CEP120: variants seen among roughly 807,000 people sequenced by gnomAD.
The protein encoded by CEP120 is centrosomal protein of 120 kDa.
CEP120 carries 113 observed loss-of-function variants against 126.5 expected under a neutral mutation model. The ratio of observed to expected loss-of-function variants is 0.89; its 90% CI spans 0.77 to 1.04. The LOEUF (loss-of-function observed/expected upper bound fraction) is 1.04, where lower values mean the gene tolerates loss of function less well. Ranked by LOEUF, CEP120 falls within the 50% of genes least tolerant of loss-of-function variation. CEP120 has a pLI of 0.00. For missense variants in CEP120, 1,230 were observed against 1,155.7 expected, an observed-to-expected ratio of 1.06 and a Z score of -0.93; for synonymous variants, 400 against 394.3, an observed-to-expected ratio of 1.01 and a Z score of -0.17.
intron 4 of CEP120, among the ~76,000 whole-genome samples, chr5:123,404,137 C>G (rs1030084314): frequency 6.7e-6 from 1 of 148,358 alleles, no homozygotes; most frequent in African/African-American, 2.5e-5. Context: ...AAATTCCTCT[C>G]AAACAGTCCA....
Position 123,422,870 on chromosome 5 carries a change from G to C in CEP120, c.49+80C>G, listed in dbSNP as rs575097575. On this transcript the variant is annotated intron_variant, in intron 1 of 19. Coordinates refer to ENST00000306467, the MANE Select transcript of CEP120 (RefSeq NM_001375405.1). ...AAGCACAGATGACAGGGTTCTTAAG[G>C]TTAACAAGGCCTCGGTCCCACACTA... The C allele has an allele frequency of 9.1e-6, 12 of 1,323,532 alleles. No individual in the cohort carries two copies. The East Asian group carries it at 2.8e-4, about 30-fold the overall frequency. The allele number at this position is 1,323,532 out of a possible 1,614,324, so 82.0% of individuals were successfully genotyped here. A position where few individuals can be genotyped will look rare whatever the true frequency, so the allele number is the denominator to read the frequency against.
chr5:123,395,273 C>A (rs1240010855), intron 5 of CEP120, among the ~76,000 whole-genome samples: 2 of 152,082 alleles, frequency 1.3e-5, no homozygotes, highest in African/African-American at 4.8e-5. Context: ...AAGAAGGAAG[C>A]AAGATTGTCA....
At chr5:123,402,230 G>A (rs1773301893) in intron 4 of CEP120, 3 of 1,518,510 alleles carry the variant, frequency 2.0e-6, no homozygotes, top group East Asian at 4.5e-5. Context: ...CCACTTGGGA[G>A]AAGCTTGAGG....
At chr5:123,351,224 T>C (rs941389754) in intron 18 of CEP120, among the ~76,000 whole-genome samples, 2 of 152,154 alleles carry the variant, frequency 1.3e-5, no homozygotes, top group African/African-American at 4.8e-5. Flanking sequence ...TTCCCAACAA[T>C]AACTACTACC....
chr5:123,399,377 G>T, intron 4 of CEP120, 93 bp from the exon 5 acceptor site: 1 of 1,258,502 alleles, frequency 7.9e-7, no homozygotes, highest in Non-Finnish European at 1.1e-6. Flanking sequence ...AATTTGCTTG[G>T]TAATTTTCAT....
rs887698612 is a variant in CEP120 at position 123,422,019 on chromosome 5, C to T, written c.49+931G>A. Among the ~76,000 whole-genome samples the T allele has an allele frequency of 2.0e-4, 30 of 152,174 alleles. 1 individual carries two copies. Among genetic ancestry groups the T allele is most frequent in the Middle Eastern group, 3.2e-3 (1 of 316 alleles). The stretch of plus-strand genomic sequence containing the variant: ...CTCAAGATGACTCCTTCTTAACATA[C>T]TATTCGTAAAGTGTCCTCAATTCAC... On this transcript the variant is annotated intron_variant, in intron 1 of 19. Coordinates refer to ENST00000306467, the MANE Select transcript of CEP120 (RefSeq NM_001375405.1).
intron 18 of CEP120, among the ~76,000 whole-genome samples, chr5:123,362,935 T>C (rs1012974281): frequency 2.0e-5 from 3 of 151,660 alleles, no homozygotes; most frequent in African/African-American, 7.2e-5. Flanking sequence ...AGCTTTTTAG[T>C]AACTGTATTT....
chr5:123,372,703 T>C lies in CEP120; in HGVS notation c.2428A>G (p.Asn810Asp). ...EFQQFKDQQN[N>D]KPEIRLQSEI... ...GACTGTAGACGGATTTCTGGTTTGT[T>C]GTTTTGCTGGTCCTTGAACTGTTGG... Residue 810 changes from asparagine (N) to aspartate (D), a missense_variant, in exon 17 of 20, where the codon AAC becomes GAC. Asn to Asp is a conservative substitution (Grantham distance 23). Transcript: ENST00000306467. The C allele has an allele frequency of 6.2e-7, 1 of 1,611,928 alleles. No homozygotes were observed. Among genetic ancestry groups the C allele is most frequent in the Non-Finnish European group, 8.5e-7 (1 of 1,178,838 alleles).
chr5:123,356,234 T>C (rs1007889789), intron 18 of CEP120, among the ~76,000 whole-genome samples: 5 of 152,120 alleles, frequency 3.3e-5, no homozygotes, highest in Non-Finnish European at 5.9e-5. Flanking sequence ...AGCTTTGTTC[T>C]TTTGGCTTAG....
rs567570982 is a variant in CEP120 at position 123,348,139 on chromosome 5, T to C, written c.2727-1386A>G. ...TTCTCCTAGGCTTCTTCACATGAAC[T>C]GTTTTATATCTTATCTATCACTTAA... is the stretch of plus-strand genomic sequence containing the variant. On this transcript the variant is annotated intron_variant, in intron 19 of 19. Transcript: ENST00000306467. Among the ~76,000 whole-genome samples the C allele has an allele frequency of 5.3e-5, 8 of 152,342 alleles. No homozygotes were observed. The East Asian group carries it at 1.5e-3, about 29-fold the overall frequency.
At chr5:123,422,417 C>G in intron 1 of CEP120, 1 of 1,148,556 alleles carries the variant, frequency 8.7e-7, no homozygotes, top group South Asian at 1.3e-5. Flanking sequence ...AGCACAGTGT[C>G]TGACACTCAA....
chr5:123,365,252 C>A (rs2127003996), intron 17 of CEP120, among the ~76,000 whole-genome samples: 1 of 151,620 alleles, frequency 6.6e-6, no homozygotes, highest in South Asian at 2.1e-4. Flanking sequence ...TAAAGTGATT[C>A]AATTAAAAAA....
At chr5:123,390,214 G>A in intron 7 of CEP120, 74 bp from the exon 8 acceptor site, 1 of 1,096,990 alleles carries the variant, frequency 9.1e-7, no homozygotes, top group Non-Finnish European at 1.3e-6. Context: ...ACTTGGCATT[G>A]TTTTTTAAAA....
intron 17 of CEP120, among the ~76,000 whole-genome samples, chr5:123,371,838 G>A (rs916256839): frequency 1.3e-5 from 2 of 152,076 alleles, no homozygotes; most frequent in African/African-American, 4.8e-5. Context: ...AGGAAAAGAT[G>A]GGAATGGCTG....
chr5:123,385,191 G>A (rs1191893643), intron 10 of CEP120, 58 bp from the exon 11 acceptor site: 1 of 1,368,206 alleles, frequency 7.3e-7, no homozygotes, highest in Non-Finnish European at 9.8e-7. Flanking sequence ...AGTCTTTTCT[G>A]AACTAAATTC....
At chr5:123,416,345 G>C (rs947742467) in intron 2 of CEP120, among the ~76,000 whole-genome samples, 1 of 151,986 alleles carries the variant, frequency 6.6e-6, no homozygotes, top group African/African-American at 2.4e-5. Flanking sequence ...GGCAGATCAC[G>C]AGGTCAGGAA....
chr5:123,355,541 G>A (rs972489914), intron 18 of CEP120, among the ~76,000 whole-genome samples: 3 of 152,170 alleles, frequency 2.0e-5, no homozygotes, highest in African/African-American at 7.2e-5. Flanking sequence ...GGCCAGTGAT[G>A]ATGAGCATTT....
At chr5:123,382,226 G>A (rs142093713) in intron 13 of CEP120, 26 bp from the exon 14 acceptor site, 102 of 1,492,730 alleles carry the variant, frequency 6.8e-5, no homozygotes, top group East Asian at 4.2e-4. Context: ...AAATAAAGTC[G>A]CCAAAAAACC....
chr5:123,357,742 A>G (rs192120330), intron 18 of CEP120, among the ~76,000 whole-genome samples: 36 of 152,248 alleles, frequency 2.4e-4, no homozygotes, highest in Admixed American at 2.4e-3. Context: ...TGGGTGACAG[A>G]CCTTGTTTGA....
Sources: allele counts gnomAD v4.1 joint callset (sites outside exome capture counted in the v4.1 genomes callset), GRCh38; gene constraint gnomAD v4.1.1; transcripts MANE v1.5; gene names NCBI Gene and HGNC (gene_info 2026-07-23, HGNC 2026-07-21).